SVEP1: variants seen among roughly 807,000 people sequenced by gnomAD.
The protein encoded by SVEP1 is sushi, von Willebrand factor type A, EGF and pentraxin domain containing 1.
SVEP1 carries 164 observed loss-of-function variants against 367.3 expected under a neutral mutation model. The observed-to-expected ratio is 0.45, with a 90% confidence interval of 0.39 to 0.51. The LOEUF (loss-of-function observed/expected upper bound fraction) is 0.51, where lower values mean the gene tolerates loss of function less well. Among genes scored for constraint, SVEP1 ranks in the 20% least tolerant of loss-of-function variants. The pLI is 0.00. For synonymous variants in SVEP1, 1,666 were observed against 1,611.6 expected (o/e 1.03, Z -0.81); for missense variants, 4,117 against 4,425.3 (o/e 0.93, Z 1.98).
rs1162637044 is a variant in SVEP1 at position 110,379,416 on chromosome 9, T to C, written c.10339A>G (p.Met3447Val). ...ACACTCCTCAGGAAACCCTCCAACA[T>C]GTATCCACTGTAACATGAGTAGGTG... ...MITYSCYSGY[M>V]LEGFLRSVCL... The change falls in exon 44 of 48, where the codon ATG (methionine) becomes GTG (valine). Residue 3447 changes from methionine to valine, a missense_variant. This residue lies in a region of SVEP1 where 1,765 missense variants were observed against 1,781.1 expected (regional missense o/e 0.99). Coordinates refer to ENST00000374469, the MANE Select transcript of SVEP1 (RefSeq NM_153366.4). 1.2e-6 allele frequency: 2 copies of C among 1,613,814 alleles called. No individual in the cohort carries two copies. The highest frequency in any genetic ancestry group is 8.5e-7 in the Non-Finnish European group (1 of 1,179,788).
At chr9:110,490,167 A>G (rs1166115772) in intron 8 of SVEP1, among the ~76,000 whole-genome samples, 1 of 152,148 alleles carries the variant, frequency 6.6e-6, no homozygotes, top group Admixed American at 6.5e-5. Context: ...TTGAACAGAT[A>G]ATTTAAACAT....
In SVEP1 at chr9:110,386,040, C is replaced by T; in HGVS notation, c.10095G>A (p.Glu3365=). 1.2e-6 allele frequency: 2 copies of T among 1,613,514 alleles called. No homozygotes were observed. The highest frequency in any genetic ancestry group is 1.7e-6 in the Non-Finnish European group (2 of 1,179,704). ...ACTCCTTTTCAGACAGCAGAGCATTCTCGGGAATCACAAAAGGAACAGGGC... is the reference window on the plus strand; with the variant it reads ...ACTCCTTTTCAGACAGCAGAGCATTTTCGGGAATCACAAAAGGAACAGGGC... ...NPCPVPFVIP[E]NALLSEKEFY... The change falls in exon 43 of 48, where the codon GAG becomes GAA. Residue 3365 remains glutamate, a synonymous_variant. Coordinates refer to ENST00000374469, the MANE Select transcript of SVEP1 (RefSeq NM_153366.4).
intron 5 of SVEP1, among the ~76,000 whole-genome samples, chr9:110,503,748 T>C (rs772678657): frequency 1.8e-4 from 27 of 152,362 alleles, no homozygotes; most frequent in Non-Finnish European, 3.7e-4. Flanking sequence ...ACCCCAGTTC[T>C]TGTTCTTCCA....
chr9:110,405,707 A>T (rs184130363), intron 38 of SVEP1, among the ~76,000 whole-genome samples: 1 of 152,320 alleles, frequency 6.6e-6, no homozygotes, highest in East Asian at 1.9e-4. Flanking sequence ...TTTACATAAG[A>T]TATTTCTTTT....
intron 9 of SVEP1, among the ~76,000 whole-genome samples, chr9:110,486,655 CTTTT>C: frequency 6.8e-6 from 1 of 146,446 alleles, no homozygotes; most frequent in East Asian, 2.0e-4. Flanking sequence ...CTCTCTCTCT[CTTTT>C]TTTTTTTAGA....
At chr9:110,432,401 G>T (rs146245877) in intron 31 of SVEP1, 61 bp downstream of exon 31, 66 of 1,530,268 alleles carry the variant, frequency 4.3e-5, no homozygotes, top group Non-Finnish European at 5.5e-5. Context: ...AGGAATTTGG[G>T]ATGACTGTCA....
At chr9:110,475,794 A>G (rs80140910) in intron 14 of SVEP1, 5,225 of 159,542 alleles carry the variant, frequency 0.033, 296 homozygotes, top group African/African-American at 0.12. Context: ...ATGGAATCTT[A>G]ACATATTTTT....
At chr9:110,444,536 A>C (rs925944300) in intron 26 of SVEP1, among the ~76,000 whole-genome samples, 1 of 152,240 alleles carries the variant, frequency 6.6e-6, no homozygotes, top group Non-Finnish European at 1.5e-5. Context: ...TGATCCAAAG[A>C]AAAGAATAAT....
intron 27 of SVEP1, 129 bp downstream of exon 27, chr9:110,443,415 AG>A: frequency 5.9e-6 from 5 of 848,574 alleles, no homozygotes; most frequent in Non-Finnish European, 8.2e-6. Flanking sequence ...ATCAGGGAGT[AG>A]GAAATAAGAG....
intron 23 of SVEP1, among the ~76,000 whole-genome samples, chr9:110,450,467 GTT>G (rs10656079): frequency 1.4e-3 from 143 of 102,096 alleles, no homozygotes; most frequent in Middle Eastern, 6.3e-3. Context: ...TTGATAATCT[GTT>G]TTTTTTTTTT....
intron 22 of SVEP1, among the ~76,000 whole-genome samples, chr9:110,454,487 A>G (rs1007460558): frequency 1.3e-5 from 2 of 152,214 alleles, no homozygotes; most frequent in African/African-American, 4.8e-5. Context: ...AAATTGTTCT[A>G]CCAAAAAGAC....
intron 5 of SVEP1, among the ~76,000 whole-genome samples, chr9:110,508,923 T>G (rs938741977): frequency 1.3e-5 from 2 of 152,202 alleles, no homozygotes; most frequent in African/African-American, 4.8e-5. Flanking sequence ...ACATGATATT[T>G]GTAAAAGGCT....
In SVEP1 at chr9:110,407,376, T is replaced by G. The variant is rs369929806; in HGVS notation, c.8224A>C (p.Ser2742Arg). 23 of 1,613,902 alleles carry G rather than the reference T, an allele frequency of 1.4e-5. No individual in the cohort carries two copies. The highest frequency in any genetic ancestry group is 1.7e-5 in the Non-Finnish European group (20 of 1,179,900). Residue 2742 changes from serine to arginine, a missense_variant, in exon 38 of 48, where the codon AGC becomes CGC. By Grantham distance (110) the Ser-to-Arg change is moderately radical. Coordinates refer to ENST00000374469, the MANE Select transcript of SVEP1 (RefSeq NM_153366.4). ...GCTAGAATGTGTCCAGGTTTACAGC[T>G]ATACTGCACAGCACTTCCCATGCTA... ...ETSMGSAVQY[S>R]CKPGHILAGS...
intron 1 of SVEP1, among the ~76,000 whole-genome samples, chr9:110,576,227 TCA>T (rs57822772): frequency 9.5e-4 from 143 of 149,852 alleles, no homozygotes; most frequent in East Asian, 5.4e-3. Context: ...ATAGGTAGTC[TCA>T]CACACACACA....
chr9:110,437,499 T>C (rs1440161215), intron 27 of SVEP1, among the ~76,000 whole-genome samples: 2 of 152,234 alleles, frequency 1.3e-5, no homozygotes, highest in Admixed American at 1.3e-4. Flanking sequence ...CTGACTTGAT[T>C]ACACTACGCT....
Position 110,457,352 on chromosome 9 carries a change from C to T in SVEP1, c.3577G>A (p.Val1193Ile). The change falls in exon 21 of 48, where the codon GTT (valine) becomes ATT (isoleucine). Residue 1193 changes from valine to isoleucine, a missense_variant and splice_region_variant. Around this residue, in one of 4 missense-constraint regions of SVEP1, gnomAD observed 2,174 missense variants for 2,494.3 expected, o/e 0.87. Transcript: ENST00000374469. ...GGGTTAAAGAAGCATTCATGGAAAA[C>T]CTACCAGTAGCATAAAAAAATCAAT... ...IKKRHEISSQVFHECFFNPCH... is the reference protein window; with the variant it reads ...IKKRHEISSQIFHECFFNPCH... The T allele has an allele frequency of 6.2e-7, 1 of 1,606,514 alleles. No homozygotes were observed.
At chr9:110,552,279 C>T (rs1472224988) in intron 1 of SVEP1, among the ~76,000 whole-genome samples, 1 of 151,934 alleles carries the variant, frequency 6.6e-6, no homozygotes, top group East Asian at 1.9e-4. Context: ...ATCCACCTGC[C>T]TCAGCCTCCC....
At chr9:110,518,308 G>A (rs951570620) in intron 3 of SVEP1, among the ~76,000 whole-genome samples, 22 of 151,998 alleles carry the variant, frequency 1.4e-4, no homozygotes, top group Middle Eastern at 3.4e-3. Flanking sequence ...CTGTAATCCA[G>A]CTATTTGGGA....
intron 1 of SVEP1, among the ~76,000 whole-genome samples, chr9:110,568,986 C>T (rs776369244): frequency 1.0e-3 from 150 of 148,942 alleles, no homozygotes; most frequent in Non-Finnish European, 6.3e-4. Flanking sequence ...GTAGTCCCTG[C>T]TACTTAGGAG....
Sources: gnomAD v4.1 joint callset for allele counts (sites outside exome capture counted in the v4.1 genomes callset) on GRCh38, gnomAD v4.1.1 for gene constraint, gnomAD v4.1.1 regional missense constraint, MANE v1.5 for transcripts, NCBI Gene and HGNC (gene_info 2026-07-23, HGNC 2026-07-21) for gene names.